The following ING2 variants were observed in gnomAD, a reference collection of about 807,000 sequenced individuals.
The protein encoded by ING2 is inhibitor of growth family member 2.
A neutral mutation model predicts 30.6 loss-of-function variants in ING2; 7 were observed. That is an observed-to-expected ratio of 0.23 (90% CI 0.13 to 0.43). The LOEUF (loss-of-function observed/expected upper bound fraction) is 0.43, where lower values mean the gene tolerates loss of function less well. ING2 is among the 20% of genes least tolerant of loss of function. ING2 has a pLI of 1.00. For synonymous variants in ING2, 136 were observed against 121.7 expected, an observed-to-expected ratio of 1.12 and a Z score of -0.78; for missense variants, 239 against 334.9, an observed-to-expected ratio of 0.71 and a Z score of 2.24.
chr4:183,505,346 G>A lies in ING2; in HGVS notation c.151G>A (p.Glu51Lys), dbSNP rs1183592041. The stretch of plus-strand genomic sequence containing the variant: ...GCAGAGGAACGTGTCTGTGCTGCGA[G>A]AGCTGGACAACAAATATCAAGGTAG... ...DMQRNVSVLR[E>K]LDNKYQETLK... Residue 51 changes from glutamate (E) to lysine (K), a missense_variant, in exon 1 of 2, where the codon GAG (glutamate) becomes AAG (lysine). Around this residue, in one of 5 missense-constraint regions of ING2, gnomAD observed 80 missense variants for 102.4 expected, o/e 0.78. Transcript: ENST00000302327. 6.5e-7 allele frequency: 1 copy of A among 1,541,054 alleles called. No homozygotes were observed. Among genetic ancestry groups the A allele is most frequent in the Non-Finnish European group, 8.7e-7 (1 of 1,143,052 alleles).
At chr4:183,508,293 T>C (rs1367160600) in intron 1 of ING2, among the ~76,000 whole-genome samples, 1 of 152,218 alleles carries the variant, frequency 6.6e-6, no homozygotes, top group African/African-American at 2.4e-5. Flanking sequence ...TGATATATAC[T>C]GTACTTAGCC....
intron 1 of ING2, 29 bp downstream of exon 1, chr4:183,505,396 G>T: frequency 6.6e-7 from 1 of 1,510,646 alleles, no homozygotes; most frequent in East Asian, 2.7e-5. Context: ...CCGGCCTCGG[G>T]AGCCGGTGGC....
Position 183,505,343 on chromosome 4 carries a change from CGA to C in ING2, c.152_153del (p.Glu51AlafsTer13). Reference protein sequence around the residue: ...HDMQRNVSVLRELDNKYQETL... With the variant: ...HDMQRNVSVLXELDNKYQETL... ...CATGCAGAGGAACGTGTCTGTGCTG[CGA>C]GAGCTGGACAACAAATATCAAGGTA... On this transcript the variant is annotated frameshift_variant, in exon 1 of 2. Coordinates refer to ENST00000302327, the MANE Select transcript of ING2 (RefSeq NM_001564.4). LOFTEE classifies it high-confidence loss of function. 6.5e-7 allele frequency: 1 copy of C among 1,540,308 alleles called. No individual in the cohort carries two copies. Among genetic ancestry groups the C allele is most frequent in the Non-Finnish European group, 8.8e-7 (1 of 1,142,828 alleles).
chr4:183,507,331 C>T (rs1734675574), intron 1 of ING2, among the ~76,000 whole-genome samples: 1 of 152,214 alleles, frequency 6.6e-6, no homozygotes, highest in Admixed American at 6.5e-5. Context: ...GAACTCCTGA[C>T]CTCAGGGGAC....
In ING2 at chr4:183,512,353, A is replaced by G. The variant is rs536492963; in HGVS notation, c.*1401A>G. Reference sequence around the variant, plus strand: ...ACCTGTAAAATGAGTTGGCTTAAATATCTCCGAGATTCCTTGGAAATTTCT... The same window carrying G: ...ACCTGTAAAATGAGTTGGCTTAAATGTCTCCGAGATTCCTTGGAAATTTCT... On this transcript the variant is annotated 3_prime_UTR_variant, in exon 2 of 2. Transcript: ENST00000302327. Among the ~76,000 whole-genome samples the G allele has an allele frequency of 1.3e-5, 2 of 152,278 alleles. No individual in the cohort carries two copies. The highest frequency in any genetic ancestry group is 2.4e-5 in the African/African-American group (1 of 41,548).
rs779797468 is a variant in ING2, at chr4:183,505,246, C to A, written c.51C>A (p.Thr17=). The change falls in exon 1 of 2, where the codon ACC becomes ACA. Residue 17 remains threonine (T), a synonymous_variant. Coordinates refer to ENST00000302327, the MANE Select transcript of ING2 (RefSeq NM_001564.4). ...TGTACTCGTCGGCCGCGCTCCTGAC[C>A]GGGGAGCGGAGCCGGCTGCTCACCT... The part of the protein sequence containing the change: ...QQLYSSAALL[T]GERSRLLTCY... The A allele has an allele frequency of 1.3e-6, 2 of 1,597,984 alleles. No homozygotes were observed. Among genetic ancestry groups the A allele is most frequent in the Admixed American group, 1.7e-5 (1 of 58,482 alleles).
In ING2 at chr4:183,510,567, G is replaced by T. The variant is rs760325949; in HGVS notation, c.458G>T (p.Arg153Leu). 4.3e-6 allele frequency: 7 copies of T among 1,613,910 alleles called. No individual in the cohort carries two copies. Among genetic ancestry groups the T allele is most frequent in the African/African-American group, 2.7e-5 (2 of 74,912 alleles). ...CCAGAAAGATCTTCAAGAAGACCCC[G>T]CAGGCAGCGGACCAGTGAAAGCCGT... ...SQPERSSRRP[R>L]RQRTSESRDL... is the part of the protein sequence containing the mutation. The change falls in exon 2 of 2, where the codon CGC becomes CTC. Residue 153 changes from arginine (R) to leucine (L), a missense_variant. By Grantham distance (102) the Arg-to-Leu change is moderately radical. Coordinates refer to ENST00000302327, the MANE Select transcript of ING2 (RefSeq NM_001564.4).
chr4:183,506,054 G>GAGGGCCCCC, intron 1 of ING2: 1 of 1,117,624 alleles, frequency 8.9e-7, no homozygotes, highest in Non-Finnish European at 1.1e-6. Flanking sequence ...CCGCGCCGGG[G>GAGGGCCCCC]GCGGGGCCTG....
chr4:183,507,472 T>G (rs1232521966), intron 1 of ING2, among the ~76,000 whole-genome samples: 2 of 152,228 alleles, frequency 1.3e-5, no homozygotes, highest in African/African-American at 4.8e-5. Context: ...TTGAAGTTGG[T>G]GAGGGATACT....
At chr4:183,507,598 A>C (rs1001470999) in intron 1 of ING2, among the ~76,000 whole-genome samples, 2 of 152,208 alleles carry the variant, frequency 1.3e-5, no homozygotes, top group Admixed American at 1.3e-4. Flanking sequence ...ACAAATTCTT[A>C]GCTCTATGAA....
intron 1 of ING2, among the ~76,000 whole-genome samples, chr4:183,508,468 A>C (rs561528428): frequency 6.6e-6 from 1 of 152,192 alleles, no homozygotes; most frequent in Non-Finnish European, 1.5e-5. Context: ...AGCAAATGGA[A>C]TAGACATGAA....
At chr4:183,509,781 C>T (rs1247982398) in intron 1 of ING2, among the ~76,000 whole-genome samples, 1 of 130,218 alleles carries the variant, frequency 7.7e-6, no homozygotes. Flanking sequence ...TCGCCCAGAC[C>T]GGAGTGCAGC....
chr4:183,512,168 TTCC>T lies in ING2; in HGVS notation c.*1219_*1221del, dbSNP rs1396687507. 6.6e-6 allele frequency among the ~76,000 whole-genome samples: 1 copy of T among 152,218 alleles called. No individual in the cohort carries two copies. On this transcript the variant is annotated 3_prime_UTR_variant, in exon 2 of 2. Coordinates refer to ENST00000302327, the MANE Select transcript of ING2 (RefSeq NM_001564.4). ...AAATCTGTGTGTAACGTATGTTTTA[TTCC>T]TCATTTCTTCCTAATCTGATGATCT...
chr4:183,510,908 G>T lies in ING2; in HGVS notation c.799G>T (p.Asp267Tyr). 1.2e-6 allele frequency: 2 copies of T among 1,607,140 alleles called. No individual in the cohort carries two copies. The highest frequency in any genetic ancestry group is 2.2e-5 in the South Asian group (2 of 90,438). The change falls in exon 2 of 2, where the codon GAC (aspartate) becomes TAC (tyrosine). Residue 267 changes from aspartate (D) to tyrosine (Y), a missense_variant. This residue lies in a region of ING2 where 20 missense variants were observed against 17.3 expected (regional missense o/e 1.16). Transcript: ENST00000302327. The part of the protein sequence containing the change: ...KCRGDNEKTM[D>Y]KSTEKTKKDR... ...CAGGGGAGATAATGAGAAAACAATG[G>T]ACAAAAGTACTGAAAAGACAAAAAA... is the stretch of plus-strand genomic sequence containing the variant.
rs572463844 is a variant in ING2 at position 183,510,748 on chromosome 4, A to C, written c.639A>C (p.Thr213=). Residue 213 remains threonine (T), a synonymous_variant, in exon 2 of 2, where the codon ACA becomes ACC. Coordinates refer to ENST00000302327, the MANE Select transcript of ING2 (RefSeq NM_001564.4). ...TTGCAATAGATCCTAATGAACCTAC[A>C]TACTGCTTATGCAACCAAGTGTCTT... ...VEFAIDPNEP[T]YCLCNQVSYG... is the part of the protein sequence containing the mutation. 1.2e-5 allele frequency: 20 copies of C among 1,614,130 alleles called. No individual in the cohort carries two copies. Among genetic ancestry groups the C allele is most frequent in the Non-Finnish European group, 1.7e-5 (20 of 1,180,054 alleles).
chr4:183,510,085 T>A (rs1303596302), intron 1 of ING2, among the ~76,000 whole-genome samples, 197 bp from the exon 2 acceptor site: 1 of 152,210 alleles, frequency 6.6e-6, no homozygotes. Context: ...TTTCTTTTCA[T>A]TACTTTATTT....
At position 183,511,726 on chromosome 4, in the gene ING2, G is replaced by A. The variant is rs1432498608; in HGVS notation, c.*774G>A. Among the ~76,000 whole-genome samples, 5 of 152,100 alleles carry A rather than the reference G, an allele frequency of 3.3e-5. No homozygotes were observed. The highest frequency in any genetic ancestry group is 2.1e-4 in the South Asian group (1 of 4,830). ...CAAACTTTGGGTTATATAGTATCAC[G>A]GCTCAAGGTTGAACAATTTAAAAAT... On this transcript the variant is annotated 3_prime_UTR_variant, in exon 2 of 2. Coordinates refer to ENST00000302327, the MANE Select transcript of ING2 (RefSeq NM_001564.4).
rs1372675412 is a variant in ING2 at position 183,510,977 on chromosome 4, GTTAT to G, written c.*28_*31del. On this transcript the variant is annotated 3_prime_UTR_variant, in exon 2 of 2. Coordinates refer to ENST00000302327, the MANE Select transcript of ING2 (RefSeq NM_001564.4). ...GTAAAGGCCATCCACATTTTAAAGG[GTTAT>G]TTGTCTTTTATATAATTCGTTTGCT... 3.3e-6 allele frequency: 5 copies of G among 1,525,470 alleles called. No individual in the cohort carries two copies. Among genetic ancestry groups the G allele is most frequent in the Non-Finnish European group, 4.4e-6 (5 of 1,133,798 alleles). 94.5% of individuals were successfully genotyped at this position (1,525,470 alleles called of 1,614,324 possible).
In ING2 at chr4:183,510,967, A is replaced by G. The variant is rs187696842; in HGVS notation, c.*15A>G. 64 of 1,547,952 alleles carry G rather than the reference A, an allele frequency of 4.1e-5. No individual in the cohort carries two copies. The Middle Eastern group carries it at 1.0e-3, about 25-fold the overall frequency. On this transcript the variant is annotated 3_prime_UTR_variant, in exon 2 of 2. Transcript: ENST00000302327. ...GATCGAGGTAGTAAAGGCCATCCAC[A>G]TTTTAAAGGGTTATTTGTCTTTTAT...
Sources: allele counts gnomAD v4.1 joint callset (sites outside exome capture counted in the v4.1 genomes callset), GRCh38; gene constraint gnomAD v4.1.1; regional missense constraint gnomAD v4.1.1; transcripts MANE v1.5; gene names NCBI Gene and HGNC (gene_info 2026-07-23, HGNC 2026-07-21).